Variants in STAU2 observed in about 807,000 individuals in gnomAD.
STAU2 encodes double-stranded RNA-binding protein Staufen homolog 2.
In STAU2, 20 loss-of-function variants were observed where a neutral mutation model predicts 65.9. That is an observed-to-expected ratio of 0.30 (90% CI 0.21 to 0.44). The LOEUF (loss-of-function observed/expected upper bound fraction) is 0.44, where lower values mean the gene tolerates loss of function less well. Among genes scored for constraint, STAU2 ranks in the 20% least tolerant of loss-of-function variants. STAU2 has a pLI of 1.00. For synonymous variants in STAU2, 232 were observed against 233.9 expected, an observed-to-expected ratio of 0.99 and a Z score of 0.07; for missense variants, 558 against 683.9, an observed-to-expected ratio of 0.82 and a Z score of 2.05.
At chr8:73,518,535 G>A (rs866269911) in intron 13 of STAU2, among the ~76,000 whole-genome samples, 1 of 152,268 alleles carries the variant, frequency 6.6e-6, no homozygotes, top group Middle Eastern at 3.4e-3. Flanking sequence ...CAGTAAAGCT[G>A]TATTTACAGG....
chr8:73,513,258 A>C (rs965741563), intron 13 of STAU2, among the ~76,000 whole-genome samples: 5 of 152,106 alleles, frequency 3.3e-5, no homozygotes, highest in Admixed American at 3.3e-4. Context: ...ATCGCTGCTT[A>C]TCTCTCTACT....
intron 11 of STAU2, among the ~76,000 whole-genome samples, chr8:73,587,317 G>A (rs1427716025): frequency 6.6e-6 from 1 of 152,160 alleles, no homozygotes; most frequent in African/African-American, 2.4e-5. Flanking sequence ...TCCTTCACAG[G>A]GAAGGCCCTA....
intron 12 of STAU2, among the ~76,000 whole-genome samples, chr8:73,575,128 TAAAAAA>T (rs5892429): frequency 1.4e-5 from 2 of 138,054 alleles, no homozygotes; most frequent in East Asian, 2.1e-4. Flanking sequence ...TCCTACCAAG[TAAAAAA>T]AAAAAAAAAG....
At chr8:73,434,343 G>A (rs899456305) in intron 13 of STAU2, among the ~76,000 whole-genome samples, 1 of 151,774 alleles carries the variant, frequency 6.6e-6, no homozygotes, top group Non-Finnish European at 1.5e-5. Context: ...TTTTAGCCCA[G>A]TGAGACACCT....
At chr8:73,746,968 G>A, upstream of STAU2, 20 of 723,490 alleles carry the variant, frequency 2.8e-5, no homozygotes, top group Non-Finnish European at 3.4e-5. Flanking sequence ...CCCCGCCTGC[G>A]CAGCCGCTCC....
At chr8:73,531,205 C>T (rs1805786008) in intron 13 of STAU2, among the ~76,000 whole-genome samples, 1 of 152,112 alleles carries the variant, frequency 6.6e-6, no homozygotes, top group Non-Finnish European at 1.5e-5. Context: ...GTCTCTGGAG[C>T]CAAAATGAAT....
At chr8:73,491,362 T>C (rs781216788) in intron 13 of STAU2, among the ~76,000 whole-genome samples, 16 of 151,996 alleles carry the variant, frequency 1.1e-4, no homozygotes, top group Non-Finnish European at 2.2e-4. Flanking sequence ...ATGTGAAGGC[T>C]AGCAGAGCAG....
intron 6 of STAU2, among the ~76,000 whole-genome samples, chr8:73,655,469 T>A (rs1563485621): frequency 6.6e-6 from 1 of 152,048 alleles, no homozygotes; most frequent in East Asian, 1.9e-4. Context: ...ATTTTATAAC[T>A]AAAAGTCTTT....
chr8:73,595,971 G>A (rs1296710920), intron 10 of STAU2, among the ~76,000 whole-genome samples: 1 of 152,020 alleles, frequency 6.6e-6, no homozygotes, highest in African/African-American at 2.4e-5. Flanking sequence ...AATTAGCCAG[G>A]TGTGATGGAA....
intron 13 of STAU2, among the ~76,000 whole-genome samples, chr8:73,464,584 G>A (rs1179161497): frequency 7.0e-6 from 1 of 143,276 alleles, no homozygotes; most frequent in Non-Finnish European, 1.5e-5. Flanking sequence ...AAATGCACAC[G>A]TGCATGTGTG....
chr8:73,667,361 T>C (rs767295616), intron 6 of STAU2, among the ~76,000 whole-genome samples: 2 of 152,186 alleles, frequency 1.3e-5, no homozygotes, highest in Non-Finnish European at 2.9e-5. Flanking sequence ...CCTCGTGGCA[T>C]GGACAATTCA....
chr8:73,600,020 G>A (rs1047373867), intron 10 of STAU2, among the ~76,000 whole-genome samples: 6 of 152,020 alleles, frequency 3.9e-5, no homozygotes, highest in South Asian at 2.1e-4. Context: ...CACCTGCCTC[G>A]GCCTCCCAAA....
At chr8:73,724,414 T>G (rs1368826152) in intron 3 of STAU2, among the ~76,000 whole-genome samples, 1 of 152,108 alleles carries the variant, frequency 6.6e-6, no homozygotes, top group Non-Finnish European at 1.5e-5. Flanking sequence ...ATGGTTCACC[T>G]TATGATTCAA....
intron 6 of STAU2, among the ~76,000 whole-genome samples, chr8:73,618,674 G>A (rs1320951562): frequency 6.6e-6 from 1 of 152,234 alleles, no homozygotes; most frequent in Non-Finnish European, 1.5e-5. Context: ...CTACTATTTT[G>A]AGGACACACT....
At chr8:73,648,770 G>C (rs1388291995) in intron 6 of STAU2, among the ~76,000 whole-genome samples, 1 of 152,152 alleles carries the variant, frequency 6.6e-6, no homozygotes, top group Non-Finnish European at 1.5e-5. Flanking sequence ...TAGGTTTGGA[G>C]TCTTTCAGTT....
chr8:73,717,751 G>A (rs1293361216), intron 3 of STAU2, among the ~76,000 whole-genome samples: 2 of 152,026 alleles, frequency 1.3e-5, no homozygotes, highest in African/African-American at 2.4e-5. Flanking sequence ...GGGTTCAAGC[G>A]ATTCTGCCGC....
At chr8:73,588,405 T>G (rs1377492414) in intron 11 of STAU2, among the ~76,000 whole-genome samples, 1 of 152,218 alleles carries the variant, frequency 6.6e-6, no homozygotes, top group Non-Finnish European at 1.5e-5. Context: ...AGACAGCAGC[T>G]CTTTTCCATT....
chr8:73,566,035 TAC>T (rs1368478470), intron 12 of STAU2, among the ~76,000 whole-genome samples: 16 of 152,234 alleles, frequency 1.1e-4, no homozygotes, highest in Non-Finnish European at 2.4e-4. Context: ...ACAACAATAG[TAC>T]ATTGGTAAAT....
intron 13 of STAU2, among the ~76,000 whole-genome samples, chr8:73,483,300 A>G (rs968192447): frequency 1.3e-5 from 2 of 152,150 alleles, no homozygotes; most frequent in South Asian, 2.1e-4. Flanking sequence ...TCAGGGGGGA[A>G]AAAACCTCAC....
Sources: gnomAD v4.1 joint callset for allele counts (sites outside exome capture counted in the v4.1 genomes callset) on GRCh38, gnomAD v4.1.1 for gene constraint, MANE v1.5 for transcripts, NCBI Gene and HGNC (gene_info 2026-07-23, HGNC 2026-07-21) for gene names.